The following NIPBL variants were observed in gnomAD, a reference collection of about 807,000 sequenced individuals.
The protein encoded by NIPBL is NIPBL cohesin loading factor.
A neutral mutation model predicts 321.8 loss-of-function variants in NIPBL; 19 were observed. That is an observed-to-expected ratio of 0.06 (90% CI 0.04 to 0.09). The LOEUF is 0.09. Among genes scored for constraint, NIPBL ranks in the 10% least tolerant of loss-of-function variants. The pLI, the probability that NIPBL is intolerant of heterozygous loss-of-function variation, is 1.00. For missense variants in NIPBL, 2,210 were observed against 3,327.0 expected (o/e 0.66, Z 8.26); for synonymous variants, 1,106 against 1,114.1 (o/e 0.99, Z 0.14).
chr5:37,046,284 T>C, intron 38 of NIPBL, 85 bp downstream of exon 38: 2 of 808,772 alleles, frequency 2.5e-6, no homozygotes, highest in Non-Finnish European at 4.3e-6. Context: ...ATTGTTGATT[T>C]ACTTTAATAT....
intron 6 of NIPBL, among the ~76,000 whole-genome samples, chr5:36,963,093 A>T (rs1183647904): frequency 6.6e-6 from 1 of 152,124 alleles, no homozygotes; most frequent in Non-Finnish European, 1.5e-5. Flanking sequence ...ACTAGTTCTT[A>T]ATGTCATAAT....
chr5:36,999,089 A>G (rs1746488112), intron 11 of NIPBL, among the ~76,000 whole-genome samples: 1 of 152,196 alleles, frequency 6.6e-6, no homozygotes, highest in Non-Finnish European at 1.5e-5. Context: ...ATTCTTGAAC[A>G]GGAGTAGTTA....
At chr5:36,920,738 C>G (rs1035367548) in intron 1 of NIPBL, among the ~76,000 whole-genome samples, 1 of 152,148 alleles carries the variant, frequency 6.6e-6, no homozygotes, top group African/African-American at 2.4e-5. Context: ...TGTGCTCCTC[C>G]TCTCAGTAGC....
At chr5:36,912,792 G>A (rs529904297) in intron 1 of NIPBL, among the ~76,000 whole-genome samples, 5 of 152,058 alleles carry the variant, frequency 3.3e-5, no homozygotes, top group Non-Finnish European at 5.9e-5. Flanking sequence ...GAGCCACCGC[G>A]CCCGGTGTGT....
At chr5:37,025,270 G>A (rs540299057) in intron 30 of NIPBL, among the ~76,000 whole-genome samples, 1 of 152,206 alleles carries the variant, frequency 6.6e-6, no homozygotes, top group South Asian at 2.1e-4. Context: ...GCATGTGTGT[G>A]TTGATTGATT....
At position 36,986,097 on chromosome 5, in the gene NIPBL, A is replaced by T. The variant is rs1744766572; in HGVS notation, c.2917A>T (p.Thr973Ser). ...RDKDGNVTQETKKMEMKGEPK... is the reference protein window; with the variant it reads ...RDKDGNVTQESKKMEMKGEPK... ...TAAAGATGGCAATGTTACTCAGGAG[A>T]CAAAGAAAATGGAAATGAAAGGAGA... The change falls in exon 10 of 47, where the codon ACA becomes TCA. Residue 973 changes from threonine (T) to serine (S), a missense_variant. Thr to Ser is a moderately conservative substitution (Grantham distance 58, BLOSUM62 1). This residue lies in a region of NIPBL where 588 missense variants were observed against 564.1 expected (regional missense o/e 1.04). Transcript: ENST00000282516. The T allele has an allele frequency of 6.2e-7, 1 of 1,614,016 alleles. No individual in the cohort carries two copies. The highest frequency in any genetic ancestry group is 8.5e-7 in the Non-Finnish European group (1 of 1,179,958).
intron 1 of NIPBL, among the ~76,000 whole-genome samples, chr5:36,950,371 A>G (rs563664996): frequency 6.6e-6 from 1 of 152,176 alleles, no homozygotes; most frequent in African/African-American, 2.4e-5. Context: ...ATGTCAAATG[A>G]TATATGTGCA....
rs1161575420 is a variant in NIPBL, at chr5:37,022,124, C to G, written c.5402C>G (p.Ala1801Gly). The change falls in exon 28 of 47, where the codon GCT becomes GGT. Residue 1801 changes from alanine (A) to glycine (G), a missense_variant. This residue lies in a region of NIPBL where 49 missense variants were observed against 163.6 expected (regional missense o/e 0.30). Coordinates refer to ENST00000282516, the MANE Select transcript of NIPBL (RefSeq NM_133433.4). ...KAMKCLSEVV[A>G]VDPSILARLD... ...ATGAAGTGTTTGTCTGAGGTTGTTGCTGTAGACCCCAGTATTCTAGCAAGG... is the reference window on the plus strand; with the variant it reads ...ATGAAGTGTTTGTCTGAGGTTGTTGGTGTAGACCCCAGTATTCTAGCAAGG... 6.2e-7 allele frequency: 1 copy of G among 1,614,110 alleles called. No individual in the cohort carries two copies. Among genetic ancestry groups the G allele is most frequent in the Non-Finnish European group, 8.5e-7 (1 of 1,179,982 alleles).
chr5:37,054,206 A>G (rs1437406711), intron 42 of NIPBL, among the ~76,000 whole-genome samples: 2 of 152,016 alleles, frequency 1.3e-5, no homozygotes, highest in South Asian at 2.1e-4. Context: ...AAAAAAAAAA[A>G]AAAAAAAAGA....
intron 6 of NIPBL, among the ~76,000 whole-genome samples, chr5:36,964,417 TA>T (rs1741983189): frequency 1.3e-5 from 2 of 152,012 alleles, no homozygotes; most frequent in African/African-American, 4.8e-5. Flanking sequence ...AATCCCAGAA[TA>T]GAGAATCCAG....
intron 20 of NIPBL, among the ~76,000 whole-genome samples, chr5:37,009,462 A>C (rs192790770): frequency 1.1e-4 from 16 of 152,286 alleles, no homozygotes; most frequent in Non-Finnish European, 1.5e-4. Context: ...ATTGCTTTGA[A>C]GGCTTCTTTC....
At chr5:37,064,118 C>T in intron 46 of NIPBL, 140 bp downstream of exon 46, 1 of 1,449,364 alleles carries the variant, frequency 6.9e-7, no homozygotes, top group Admixed American at 2.8e-5. Flanking sequence ...TAGAGATTCT[C>T]TACTTACCCG....
At chr5:36,961,680 A>G (rs752591655) in intron 5 of NIPBL, 97 bp downstream of exon 5, 98 of 872,808 alleles carry the variant, frequency 1.1e-4, no homozygotes, top group Non-Finnish European at 1.7e-4. Context: ...TGGATTATTT[A>G]GAGTTTAAAT....
chr5:37,013,898 T>C (rs979420090), intron 21 of NIPBL, among the ~76,000 whole-genome samples: 1 of 152,214 alleles, frequency 6.6e-6, no homozygotes, highest in African/African-American at 2.4e-5. Context: ...ATCACGCCAC[T>C]GCACTCCAGC....
intron 1 of NIPBL, among the ~76,000 whole-genome samples, chr5:36,895,058 G>A (rs1454145758): frequency 1.3e-5 from 2 of 152,106 alleles, no homozygotes; most frequent in Non-Finnish European, 2.9e-5. Flanking sequence ...GTGATTTTTA[G>A]TATATTCACA....
At chr5:36,877,221 C>A (rs939191814) in intron 1 of NIPBL, 43 bp downstream of exon 1, 2 of 190,318 alleles carry the variant, frequency 1.1e-5, no homozygotes, top group South Asian at 3.5e-4. Context: ...GCGGCGGCGC[C>A]GGCGCCAGGT....
intron 43 of NIPBL, 25 bp from the exon 44 acceptor site, chr5:37,058,866 T>C: frequency 6.2e-7 from 1 of 1,611,890 alleles, no homozygotes; most frequent in Non-Finnish European, 8.5e-7. Flanking sequence ...GTTTTTATTG[T>C]TTATCAAACG....
chr5:36,946,364 G>C (rs1026466643), intron 1 of NIPBL, among the ~76,000 whole-genome samples: 2 of 151,910 alleles, frequency 1.3e-5, no homozygotes, highest in African/African-American at 2.4e-5. Context: ...CTTGTGAGAT[G>C]AGTATGCTTT....
chr5:36,884,979 A>G (rs908071336), intron 1 of NIPBL, among the ~76,000 whole-genome samples: 2 of 152,206 alleles, frequency 1.3e-5, no homozygotes, highest in African/African-American at 4.8e-5. Context: ...TTCCTTAGGC[A>G]GTATAATTGG....
Sources: gnomAD v4.1 joint callset for allele counts (sites outside exome capture counted in the v4.1 genomes callset) on GRCh38, gnomAD v4.1.1 for gene constraint, gnomAD v4.1.1 regional missense constraint, MANE v1.5 for transcripts, NCBI Gene and HGNC (gene_info 2026-07-23, HGNC 2026-07-21) for gene names.